Variants in DLC1 observed in about 807,000 individuals in gnomAD.
DLC1 encodes rho GTPase-activating protein 7.
A neutral mutation model predicts 140.3 loss-of-function variants in DLC1; 54 were observed. The ratio of observed to expected loss-of-function variants is 0.38; its 90% confidence interval spans 0.31 to 0.48. The LOEUF is 0.48. Among genes scored for constraint, DLC1 ranks in the 20% least tolerant of loss-of-function variants. The probability of loss-of-function intolerance (pLI) is 0.96; values close to 1 mark genes in which losing one functional copy is unlikely to be tolerated. For synonymous variants in DLC1, 986 were observed against 728.1 expected (o/e 1.35, Z -5.70); for missense variants, 2,536 against 1,907.0 (o/e 1.33, Z -6.14).
chr8:13,456,599 T>C (rs760235513), intron 2 of DLC1, among the ~76,000 whole-genome samples: 7 of 152,064 alleles, frequency 4.6e-5, no homozygotes, highest in South Asian at 2.1e-4. Flanking sequence ...GCTGGGATTA[T>C]AGGCTTGCTC....
At chr8:13,446,043 C>G (rs185327849) in intron 2 of DLC1, among the ~76,000 whole-genome samples, 1 of 152,270 alleles carries the variant, frequency 6.6e-6, no homozygotes, top group Admixed American at 6.5e-5. Context: ...CCTTTCTATA[C>G]ACGGTTGCTA....
At chr8:13,556,794 A>ACTT (rs1412438890) in intron 1 of DLC1, among the ~76,000 whole-genome samples, 1 of 152,242 alleles carries the variant, frequency 6.6e-6, no homozygotes, top group Non-Finnish European at 1.5e-5. Context: ...GGATGCTGTC[A>ACTT]GAGACGCTGC....
intron 5 of DLC1, among the ~76,000 whole-genome samples, chr8:13,126,214 G>A (rs1174905625): frequency 6.6e-6 from 1 of 151,864 alleles, no homozygotes; most frequent in Non-Finnish European, 1.5e-5. Context: ...ATCAAAAATT[G>A]GCACTTATTA....
chr8:13,109,542 G>A (rs1034619782), intron 7 of DLC1, among the ~76,000 whole-genome samples: 1 of 148,240 alleles, frequency 6.7e-6, no homozygotes, highest in Non-Finnish European at 1.5e-5. Context: ...GAGCGACAGA[G>A]TGAGACCTTG....
intron 5 of DLC1, among the ~76,000 whole-genome samples, chr8:13,121,428 G>C (rs993072601): frequency 1.3e-5 from 2 of 152,186 alleles, no homozygotes; most frequent in African/African-American, 4.8e-5. Flanking sequence ...TACCTGATGG[G>C]TGGGTTCCAG....
At chr8:13,513,658 A>G (rs1286854452) in intron 1 of DLC1, among the ~76,000 whole-genome samples, 1 of 152,214 alleles carries the variant, frequency 6.6e-6, no homozygotes, top group East Asian at 1.9e-4. Context: ...ATATAACAGT[A>G]TCTTATGCAT....
At chr8:13,167,491 T>C (rs984476823) in intron 5 of DLC1, among the ~76,000 whole-genome samples, 11 of 152,158 alleles carry the variant, frequency 7.2e-5, no homozygotes, top group African/African-American at 2.4e-4. Flanking sequence ...GGCTTCTCAG[T>C]GGGGAAACCT....
chr8:13,520,414 G>A (rs924994607), intron 1 of DLC1, among the ~76,000 whole-genome samples: 8 of 152,090 alleles, frequency 5.3e-5, no homozygotes. Flanking sequence ...ATAAGTGGGA[G>A]TTGAACAGTG....
At chr8:13,553,531 T>A (rs1803936819) in intron 1 of DLC1, among the ~76,000 whole-genome samples, 2 of 152,004 alleles carry the variant, frequency 1.3e-5, no homozygotes, top group African/African-American at 4.8e-5. Context: ...AAAAATAAAC[T>A]TGTGGAGACA....
At chr8:13,585,953 G>T (rs1382674602) in intron 1 of DLC1, among the ~76,000 whole-genome samples, 2 of 152,176 alleles carry the variant, frequency 1.3e-5, no homozygotes, top group Non-Finnish European at 2.9e-5. Context: ...GGATAAAGCA[G>T]AGAAATATAA....
chr8:13,403,029 A>G (rs926584633), intron 2 of DLC1, among the ~76,000 whole-genome samples: 1 of 152,204 alleles, frequency 6.6e-6, no homozygotes, highest in African/African-American at 2.4e-5. Flanking sequence ...AAGTAAACCG[A>G]ACTTGTGCAT....
At chr8:13,491,175 C>G (rs1801223473) in intron 2 of DLC1, among the ~76,000 whole-genome samples, 1 of 150,750 alleles carries the variant, frequency 6.6e-6, no homozygotes, top group Admixed American at 6.6e-5. Context: ...GCAAATCTCC[C>G]AACTTTATGT....
chr8:13,545,625 C>T (rs1050101585), intron 1 of DLC1, among the ~76,000 whole-genome samples: 1 of 151,724 alleles, frequency 6.6e-6, no homozygotes, highest in Admixed American at 6.6e-5. Flanking sequence ...AGTTTAATAC[C>T]ATATAAAGAG....
At chr8:13,485,351 A>G (rs978325735) in intron 2 of DLC1, among the ~76,000 whole-genome samples, 2 of 152,240 alleles carry the variant, frequency 1.3e-5, no homozygotes, top group Non-Finnish European at 2.9e-5. Flanking sequence ...TAGCTTGAAA[A>G]GAGACAGTAG....
intron 4 of DLC1, among the ~76,000 whole-genome samples, chr8:13,388,715 C>T (rs951196283): frequency 2.0e-5 from 3 of 151,770 alleles, no homozygotes; most frequent in Non-Finnish European, 2.9e-5. Context: ...CAAATATATG[C>T]ATATATAATC....
chr8:13,524,710 T>C (rs1423460443), intron 1 of DLC1, among the ~76,000 whole-genome samples: 1 of 80,020 alleles, frequency 1.2e-5, no homozygotes, highest in East Asian at 3.6e-4. Context: ...TTCTGTTGTG[T>C]TTTTTTTTTC....
chr8:13,125,795 A>G (rs983166935), intron 5 of DLC1, among the ~76,000 whole-genome samples: 1 of 151,582 alleles, frequency 6.6e-6, no homozygotes, highest in Non-Finnish European at 1.5e-5. Flanking sequence ...ACAGCTTTCT[A>G]TTAAAGAACA....
intron 5 of DLC1, among the ~76,000 whole-genome samples, chr8:13,243,874 T>G (rs2117254199): frequency 6.6e-6 from 1 of 152,350 alleles, no homozygotes; most frequent in East Asian, 1.9e-4. Flanking sequence ...ATTGGTATCT[T>G]TTGACTGTCC....
At chr8:13,578,979 G>T (rs958413689) in intron 1 of DLC1, among the ~76,000 whole-genome samples, 1 of 151,708 alleles carries the variant, frequency 6.6e-6, no homozygotes, top group Admixed American at 6.6e-5. Flanking sequence ...TTACAGGTTG[G>T]TTCCTCTGGC....
Sources: allele counts gnomAD v4.1 joint callset (sites outside exome capture counted in the v4.1 genomes callset), GRCh38; gene constraint gnomAD v4.1.1; transcripts MANE v1.5; gene names NCBI Gene and HGNC (gene_info 2026-07-23, HGNC 2026-07-21).